MSANTD7: variants seen among roughly 807,000 people sequenced by gnomAD.
MSANTD7 encodes zinc finger and SCAN domain containing 29.
the MSANTD7 span, chr10:14,843,516 G>T: frequency 2.6e-6 from 4 of 1,550,658 alleles, no homozygotes; most frequent in South Asian, 3.6e-5. Context: ...GCACTCCTGG[G>T]GTAGCCTCCA....
the MSANTD7 span, chr10:14,842,523 A>G: frequency 3.9e-6 from 6 of 1,536,072 alleles, no homozygotes; most frequent in Non-Finnish European, 5.2e-6. This position sits in a 1 kb window ranked among gnomAD's most constrained non-coding sequence, Gnocchi z 5.2. Context: ...TATGTTGCCC[A>G]TGCCACAAGT....
At chr10:14,843,595 G>A in the MSANTD7 span, 1 of 1,550,638 alleles carries the variant, frequency 6.4e-7, no homozygotes, top group Non-Finnish European at 8.7e-7. Context: ...CTTGACCAGT[G>A]AGCCCCCTCC....
chr10:14,842,236 C>CT, the MSANTD7 span: 1 of 1,535,652 alleles, frequency 6.5e-7, no homozygotes, highest in Non-Finnish European at 8.7e-7. This position sits in a 1 kb window ranked among gnomAD's most constrained non-coding sequence, Gnocchi z 5.2. Context: ...CACCTTCAGA[C>CT]TTGCACCTTG....
the MSANTD7 span, chr10:14,842,333 ACACGAACTCTTCTCTCCATACTAGG>A: frequency 6.5e-7 from 1 of 1,535,994 alleles, no homozygotes; most frequent in South Asian, 1.2e-5. The surrounding 1 kb of genome is among the most constrained non-coding windows in gnomAD (Gnocchi z 5.2). Context: ...CAGACAGGAG[ACACGAACTCTTCTCTCCATACTAGG>A]CGAGGCAGAG....
chr10:14,838,334 G>A, the MSANTD7 span: 11 of 1,492,648 alleles, frequency 7.4e-6, no homozygotes, highest in Admixed American at 5.8e-5. Context: ...TGATGGGGCC[G>A]TTGGGCGGCC....
the MSANTD7 span, among the ~76,000 whole-genome samples, chr10:14,839,325 G>C: frequency 2.0e-5 from 3 of 152,264 alleles, no homozygotes; most frequent in Non-Finnish European, 4.4e-5. Flanking sequence ...TGTAATCCCA[G>C]CACTTTGGGA....
At chr10:14,844,407 TCTTTC>T in the MSANTD7 span, 2 of 994,538 alleles carry the variant, frequency 2.0e-6, no homozygotes, top group Non-Finnish European at 1.2e-6. Context: ...ATTGCTTGAA[TCTTTC>T]CTTTGCTGGT....
the MSANTD7 span, chr10:14,845,980 C>T: frequency 0.14 from 124,682 of 922,844 alleles, 9,028 homozygotes; most frequent in Non-Finnish European, 0.15. Flanking sequence ...AAAATGAAAA[C>T]GAAATTTTAA....
At chr10:14,839,822 A>G in the MSANTD7 span, 1 of 949,902 alleles carries the variant, frequency 1.1e-6, no homozygotes, top group Non-Finnish European at 1.6e-6. Context: ...CTTTCCACAC[A>G]GATGGCAAAG....
At chr10:14,843,540 A>G in the MSANTD7 span, 1 of 1,550,570 alleles carries the variant, frequency 6.4e-7, no homozygotes, top group Admixed American at 2.0e-5. Context: ...CGCAGACTCC[A>G]GTCTCCTCTT....
chr10:14,839,002 C>A, the MSANTD7 span, among the ~76,000 whole-genome samples: 1 of 152,208 alleles, frequency 6.6e-6, no homozygotes, highest in African/African-American at 2.4e-5. Flanking sequence ...TGAGCTGGGC[C>A]CGAACGTCTA....
chr10:14,844,983 A>G, the MSANTD7 span: 2 of 985,436 alleles, frequency 2.0e-6, no homozygotes, highest in Non-Finnish European at 2.4e-6. Flanking sequence ...AAGTTTATGT[A>G]GTTAATGGCA....
chr10:14,844,162 T>G, the MSANTD7 span: 1 of 1,281,310 alleles, frequency 7.8e-7, no homozygotes, highest in Admixed American at 3.7e-5. Flanking sequence ...GTCACAGATG[T>G]GAAGCAGTTT....
the MSANTD7 span, chr10:14,844,773 C>A: frequency 1.0e-6 from 1 of 984,504 alleles, no homozygotes; most frequent in Non-Finnish European, 1.2e-6. Context: ...CTTTATATGC[C>A]TAAATTACAT....
chr10:14,840,824 AT>A, the MSANTD7 span, among the ~76,000 whole-genome samples: 1 of 152,204 alleles, frequency 6.6e-6, no homozygotes, highest in Non-Finnish European at 1.5e-5. Flanking sequence ...GTGCTTTCAC[AT>A]CTATTATTTT....
chr10:14,839,871 A>G, the MSANTD7 span: 1 of 1,541,164 alleles, frequency 6.5e-7, no homozygotes, highest in Non-Finnish European at 9.0e-7. Context: ...GAATACGTCT[A>G]ATGAGACTAT....
chr10:14,846,223 A>T, the MSANTD7 span: 9 of 985,190 alleles, frequency 9.1e-6, no homozygotes, highest in Non-Finnish European at 9.6e-6. Context: ...TGTGTCAATT[A>T]TAGGTAGGTA....
At chr10:14,842,056 C>T in the MSANTD7 span, 6 of 1,053,600 alleles carry the variant, frequency 5.7e-6, no homozygotes, top group Non-Finnish European at 8.4e-6. The surrounding 1 kb of genome is among the most constrained non-coding windows in gnomAD (Gnocchi z 5.2). Context: ...GACCTACTCA[C>T]AGGTAGCACC....
At chr10:14,839,061 C>T in the MSANTD7 span, among the ~76,000 whole-genome samples, 3 of 152,148 alleles carry the variant, frequency 2.0e-5, no homozygotes, top group African/African-American at 7.2e-5. Context: ...CTGATGGTCC[C>T]GCAAAGCTGC....
Sources: gnomAD v4.1 joint callset for allele counts (sites outside exome capture counted in the v4.1 genomes callset) on GRCh38, gnomAD v4.1.1 for gene constraint, Gnocchi (gnomAD v3.1) non-coding constraint, MANE v1.5 for transcripts, NCBI Gene and HGNC (gene_info 2026-07-23, HGNC 2026-07-21) for gene names.